The following ADGRV1 variants were observed in gnomAD, a reference collection of about 807,000 sequenced individuals.
ADGRV1 encodes the protein G-protein coupled receptor 98.
In ADGRV1, 359 loss-of-function variants were observed where a neutral mutation model predicts 596.2. The ratio of observed to expected loss-of-function variants is 0.60; its 90% confidence interval spans 0.55 to 0.66. ADGRV1 has a LOEUF of 0.66. Ranked by LOEUF, ADGRV1 falls within the 30% of genes least tolerant of loss-of-function variation. The pLI, the probability that ADGRV1 is intolerant of heterozygous loss-of-function variation, is 0.00. For missense variants in ADGRV1, 7,274 were observed against 7,575.6 expected, an observed-to-expected ratio of 0.96 and a Z score of 1.48; for synonymous variants, 2,681 against 2,679.2, an observed-to-expected ratio of 1.00 and a Z score of -0.02.
chr5:90,685,603 T>TAAAC (rs1745507418), intron 28 of ADGRV1, among the ~76,000 whole-genome samples, 177 bp from the exon 29 acceptor site: 1 of 65,694 alleles, frequency 1.5e-5, no homozygotes, highest in Non-Finnish European at 3.5e-5. Context: ...TCTCTATAAA[T>TAAAC]AAATAAATAA....
chr5:90,770,689 AAAACAAACAAAC>A (rs368675436), intron 59 of ADGRV1, among the ~76,000 whole-genome samples: 1 of 152,080 alleles, frequency 6.6e-6, no homozygotes, highest in African/African-American at 2.4e-5. Context: ...GTGCTCATGG[AAAACAAACAAAC>A]AAACAAACAA....
rs1179343056 is a variant in ADGRV1 at position 90,757,004 on chromosome 5, A to G, written c.11783A>G (p.Tyr3928Cys). Residue 3928 changes from tyrosine to cysteine, a missense_variant, in exon 57 of 90, where the codon TAT becomes TGT. Physicochemically the swap from Tyr to Cys is radical, Grantham distance 194. Coordinates refer to ENST00000405460, the MANE Select transcript of ADGRV1 (RefSeq NM_032119.4). ...GGCGCTGGGGAAGTTATTACTGCCTATGAGGTGCCTCCACCCTTGAACGTT... is the reference window on the plus strand; with the variant it reads ...GGCGCTGGGGAAGTTATTACTGCCTGTGAGGTGCCTCCACCCTTGAACGTT... ...TRGAGEVITAYEVPPPLNVLQ... is the reference protein window; with the variant it reads ...TRGAGEVITACEVPPPLNVLQ... 8.7e-6 allele frequency: 14 copies of G among 1,611,774 alleles called. No individual in the cohort carries two copies. The highest frequency in any genetic ancestry group is 3.3e-5 in the South Asian group (3 of 90,586).
intron 9 of ADGRV1, among the ~76,000 whole-genome samples, chr5:90,633,607 GATAA>G (rs1021041946): frequency 2.2e-4 from 33 of 151,552 alleles, no homozygotes; most frequent in African/African-American, 7.2e-4. Context: ...TATTTTGTAA[GATAA>G]ATAAATATAT....
At chr5:90,808,080 A>G (rs1340876531) in intron 73 of ADGRV1, among the ~76,000 whole-genome samples, 3 of 152,242 alleles carry the variant, frequency 2.0e-5, no homozygotes, top group African/African-American at 7.2e-5. Flanking sequence ...AAGAGTAAGA[A>G]TAAGATTAAG....
rs538181155 is a variant in ADGRV1 at position 90,569,751 on chromosome 5, G to A, written c.22+10834G>A. Among the ~76,000 whole-genome samples the A allele has an allele frequency of 1.3e-4, 20 of 151,176 alleles. No individual in the cohort carries two copies. In the South Asian group the frequency reaches 4.2e-3, roughly 32 times the overall value. On this transcript the variant is annotated intron_variant, in intron 1 of 89. Transcript: ENST00000405460. ...ATTAATTTTATTATTGGTTACCCTG[G>A]GGATTACATTTAATATCCTAACCTA...
At chr5:91,152,006 G>A (rs1796105350) in intron 88 of ADGRV1, among the ~76,000 whole-genome samples, 1 of 152,190 alleles carries the variant, frequency 6.6e-6, no homozygotes, top group African/African-American at 2.4e-5. Flanking sequence ...GCTGTAACCT[G>A]TCTCTCAGAA....
chr5:90,675,048 CATT>C (rs911264145), intron 23 of ADGRV1, among the ~76,000 whole-genome samples, 192 bp from the exon 24 acceptor site: 2 of 152,160 alleles, frequency 1.3e-5, no homozygotes, highest in African/African-American at 2.4e-5. Context: ...ATTTAACTTT[CATT>C]ATTCTGAAAG....
chr5:91,018,021 T>C (rs1436233511), intron 85 of ADGRV1, among the ~76,000 whole-genome samples: 1 of 151,874 alleles, frequency 6.6e-6, no homozygotes, highest in Non-Finnish European at 1.5e-5. Flanking sequence ...ATATTGAGAG[T>C]ATTCATAATC....
chr5:90,668,565 C>T (rs1023300495), intron 21 of ADGRV1, among the ~76,000 whole-genome samples: 5 of 134,750 alleles, frequency 3.7e-5, no homozygotes, highest in South Asian at 2.7e-4. Flanking sequence ...AGAAATCACC[C>T]GTCTTCTGCG....
Position 90,820,980 on chromosome 5 carries a change from A to T in ADGRV1, c.16197-2445A>T, listed in dbSNP as rs796482229. ...GTTGGCCTGCCTTGCTAGATTGGGG[A>T]AGTTCTCCTGGATAATATCCTGCAG... On this transcript the variant is annotated intron_variant, in intron 75 of 89. Transcript: ENST00000405460. Among the ~76,000 whole-genome samples the T allele has an allele frequency of 3.8e-3, 576 of 151,696 alleles. 8 individuals are homozygous for T. In the South Asian group the frequency reaches 0.043, roughly 11 times the overall value.
intron 84 of ADGRV1, among the ~76,000 whole-genome samples, chr5:90,970,079 C>T (rs1778820372): frequency 6.6e-6 from 1 of 152,242 alleles, no homozygotes. Flanking sequence ...GAGATTATAT[C>T]CCGTGCCTGG....
intron 25 of ADGRV1, chr5:90,676,797 C>T (rs965021077): frequency 2.0e-5 from 3 of 152,210 alleles, no homozygotes; most frequent in Non-Finnish European, 4.4e-5. Context: ...GCTGTAAAAT[C>T]TGGTCCTTTT....
intron 85 of ADGRV1, among the ~76,000 whole-genome samples, chr5:91,005,376 A>T (rs985696975): frequency 4.6e-4 from 67 of 146,870 alleles, no homozygotes; most frequent in African/African-American, 1.7e-3. Flanking sequence ...ATATATATAT[A>T]TATTTTTTTG....
intron 77 of ADGRV1, among the ~76,000 whole-genome samples, chr5:90,835,827 C>T (rs1175660656): frequency 2.0e-5 from 3 of 152,046 alleles, no homozygotes; most frequent in Non-Finnish European, 4.4e-5. Flanking sequence ...ATTTGTTGCA[C>T]ACAGACCTAC....
At chr5:90,723,010 A>G (rs1228509341) in intron 45 of ADGRV1, among the ~76,000 whole-genome samples, 3 of 152,108 alleles carry the variant, frequency 2.0e-5, no homozygotes, top group Admixed American at 6.5e-5. Context: ...AGAGTGCTTT[A>G]AAATGGAGGA....
At chr5:90,596,045 C>A (rs576811839) in intron 1 of ADGRV1, among the ~76,000 whole-genome samples, 1 of 149,066 alleles carries the variant, frequency 6.7e-6, no homozygotes. Context: ...GGGTGGCTGC[C>A]GGGCGGAGGG....
At position 90,642,643 on chromosome 5, in the gene ADGRV1, G is replaced by C; in HGVS notation, c.2248G>C (p.Val750Leu). 6.2e-7 allele frequency: 1 copy of C among 1,613,076 alleles called. No homozygotes were observed. Among genetic ancestry groups the C allele is most frequent in the Non-Finnish European group, 8.5e-7 (1 of 1,179,378 alleles). ...TVTLSLDRVN[V>L]ENQVLKSGYT... ...TCTCTCTGACTTCTCTAGGGTTAACGTGGAAAACCAAGTGCTGAAATCTGG... is the reference window on the plus strand; with the variant it reads ...TCTCTCTGACTTCTCTAGGGTTAACCTGGAAAACCAAGTGCTGAAATCTGG... Residue 750 changes from valine to leucine, a missense_variant, in exon 12 of 90, where the codon GTG becomes CTG. Val to Leu is a conservative substitution (Grantham distance 32). Around this residue, in one of 5 missense-constraint regions of ADGRV1, gnomAD observed 1,715 missense variants for 1,708.8 expected, o/e 1.00. Transcript: ENST00000405460.
intron 76 of ADGRV1, among the ~76,000 whole-genome samples, chr5:90,824,476 C>G (rs1302053467): frequency 6.6e-6 from 1 of 152,180 alleles, no homozygotes; most frequent in Non-Finnish European, 1.5e-5. Context: ...GGTGGTAGTG[C>G]TGGAAAATAT....
chr5:91,099,089 G>A (rs1488118239), intron 86 of ADGRV1, among the ~76,000 whole-genome samples: 2 of 151,992 alleles, frequency 1.3e-5, no homozygotes, highest in Non-Finnish European at 2.9e-5. Flanking sequence ...AAATCTTAAT[G>A]TATATTTTCT....
Sources: gnomAD v4.1 joint callset for allele counts (sites outside exome capture counted in the v4.1 genomes callset) on GRCh38, gnomAD v4.1.1 for gene constraint, gnomAD v4.1.1 regional missense constraint, MANE v1.5 for transcripts, NCBI Gene and HGNC (gene_info 2026-07-23, HGNC 2026-07-21) for gene names.